RPS6KC1: variants seen among roughly 807,000 people sequenced by gnomAD.
RPS6KC1 encodes inactive ribosomal protein S6 kinase delta-1.
RPS6KC1 carries 54 observed loss-of-function variants against 103.8 expected under a neutral mutation model. The observed-to-expected ratio is 0.52, with a 90% CI of 0.42 to 0.65. The LOEUF (loss-of-function observed/expected upper bound fraction) is 0.65, where lower values mean the gene tolerates loss of function less well. Ranked by LOEUF, RPS6KC1 falls within the 30% of genes least tolerant of loss-of-function variation. RPS6KC1 has a pLI of 0.00. For synonymous variants in RPS6KC1, 439 were observed against 438.7 expected, an observed-to-expected ratio of 1.00 and a Z score of -0.01; for missense variants, 1,151 against 1,253.8, an observed-to-expected ratio of 0.92 and a Z score of 1.24.
chr1:213,796,093 T>C, the RPS6KC1 span, among the ~76,000 whole-genome samples: 2 of 152,214 alleles, frequency 1.3e-5, no homozygotes, highest in East Asian at 3.8e-4. Context: ...CAGCCACCAG[T>C]TTCTTCCCAT....
chr1:213,479,581 T>C, the RPS6KC1 span, among the ~76,000 whole-genome samples: 1 of 152,180 alleles, frequency 6.6e-6, no homozygotes, highest in African/African-American at 2.4e-5. Context: ...ATAGGAGTTA[T>C]TCATGTATTT....
At chr1:213,570,800 C>G in the RPS6KC1 span, among the ~76,000 whole-genome samples, 1 of 152,172 alleles carries the variant, frequency 6.6e-6, no homozygotes, top group African/African-American at 2.4e-5. Context: ...GGGCACAACA[C>G]CCTTCCACAT....
chr1:213,463,523 C>T, the RPS6KC1 span, among the ~76,000 whole-genome samples: 1 of 152,094 alleles, frequency 6.6e-6, no homozygotes, highest in Non-Finnish European at 1.5e-5. Context: ...AACCATAGTA[C>T]TGAAAGCTTG....
chr1:213,597,349 G>A, the RPS6KC1 span, among the ~76,000 whole-genome samples: 1 of 152,166 alleles, frequency 6.6e-6, no homozygotes, highest in Non-Finnish European at 1.5e-5. Flanking sequence ...GCGAGCGCAG[G>A]GTCATGGGTT....
the RPS6KC1 span, among the ~76,000 whole-genome samples, chr1:213,558,660 A>G: frequency 6.6e-6 from 1 of 152,254 alleles, no homozygotes; most frequent in Non-Finnish European, 1.5e-5. Flanking sequence ...GCCTTCTGAC[A>G]TATTTTAAGT....
chr1:213,791,888 C>T, the RPS6KC1 span, among the ~76,000 whole-genome samples: 1 of 152,168 alleles, frequency 6.6e-6, no homozygotes, highest in African/African-American at 2.4e-5. Flanking sequence ...TGTCGGCCAA[C>T]CCTGACGTTA....
the RPS6KC1 span, among the ~76,000 whole-genome samples, chr1:213,612,752 A>G: frequency 1.3e-5 from 2 of 152,198 alleles, no homozygotes; most frequent in South Asian, 2.1e-4. Flanking sequence ...TATTAAAATA[A>G]CCACTTGGGT....
chr1:213,651,206 C>G, the RPS6KC1 span, among the ~76,000 whole-genome samples: 2,998 of 152,238 alleles, frequency 0.02, 46 homozygotes, highest in Middle Eastern at 0.048. Flanking sequence ...TCGACCATCT[C>G]CACAGGGGTG....
At chr1:213,849,929 A>G in the RPS6KC1 span, among the ~76,000 whole-genome samples, 1 of 152,000 alleles carries the variant, frequency 6.6e-6, no homozygotes, top group Non-Finnish European at 1.5e-5. Context: ...TGCATGTAGT[A>G]AACTTTTTAT....
At chr1:213,403,043 G>A in the RPS6KC1 span, among the ~76,000 whole-genome samples, 1 of 151,702 alleles carries the variant, frequency 6.6e-6, no homozygotes, top group African/African-American at 2.4e-5. Flanking sequence ...CAGGAGAATG[G>A]CGTGAACCCG....
chr1:213,754,066 G>A, the RPS6KC1 span, among the ~76,000 whole-genome samples: 17 of 152,070 alleles, frequency 1.1e-4, no homozygotes, highest in Admixed American at 5.9e-4. Context: ...TTTCTTCCCC[G>A]TTTCACTGCT....
chr1:213,467,846 T>C, the RPS6KC1 span, among the ~76,000 whole-genome samples: 8 of 152,358 alleles, frequency 5.3e-5, no homozygotes, highest in East Asian at 1.5e-3. Context: ...CCTTCTTTAG[T>C]GTTCATTTCC....
chr1:213,843,996 A>AG, the RPS6KC1 span, among the ~76,000 whole-genome samples: 1 of 146,462 alleles, frequency 6.8e-6, no homozygotes, highest in African/African-American at 2.7e-5. Context: ...ATATTCAGCT[A>AG]GGGGGAAAAA....
intron 8 of RPS6KC1, among the ~76,000 whole-genome samples, chr1:213,192,776 C>G (rs2092795609): frequency 6.6e-6 from 1 of 152,014 alleles, no homozygotes; most frequent in Non-Finnish European, 1.5e-5. Flanking sequence ...GGTTAAGATG[C>G]ATCATTAGGT....
At chr1:213,395,251 C>T in the RPS6KC1 span, among the ~76,000 whole-genome samples, 1 of 152,126 alleles carries the variant, frequency 6.6e-6, no homozygotes, top group Non-Finnish European at 1.5e-5. Flanking sequence ...TATTAAATAT[C>T]CAGCTGCAGG....
chr1:213,107,273 C>T lies in RPS6KC1; in HGVS notation c.378+2704C>T, dbSNP rs1206612764. Among the ~76,000 whole-genome samples the T allele has an allele frequency of 2.6e-5, 4 of 152,134 alleles. No individual in the cohort carries two copies. The South Asian group carries it at 8.3e-4, about 31-fold the overall frequency. ...CAATTTTAGATCATTTCCATTACCGCACCTCTGTGTCTACTTGCTATGGTG... is the reference window on the plus strand; with the variant it reads ...CAATTTTAGATCATTTCCATTACCGTACCTCTGTGTCTACTTGCTATGGTG... On this transcript the variant is annotated intron_variant, in intron 4 of 14. Coordinates refer to ENST00000366960, the MANE Select transcript of RPS6KC1 (RefSeq NM_012424.6).
At chr1:213,400,066 A>C in the RPS6KC1 span, among the ~76,000 whole-genome samples, 1 of 152,144 alleles carries the variant, frequency 6.6e-6, no homozygotes, top group African/African-American at 2.4e-5. Context: ...TCATAGAAAA[A>C]AGAGGTGGGC....
At chr1:213,665,123 G>A in the RPS6KC1 span, among the ~76,000 whole-genome samples, 2 of 151,680 alleles carry the variant, frequency 1.3e-5, no homozygotes, top group Admixed American at 6.6e-5. Flanking sequence ...TGACAGAATA[G>A]GGCAATTAAA....
chr1:213,478,174 G>A, the RPS6KC1 span, among the ~76,000 whole-genome samples: 4 of 152,038 alleles, frequency 2.6e-5, no homozygotes, highest in African/African-American at 9.7e-5. Context: ...TTTCCTCCAT[G>A]TCTTTTTATG....
Sources: gnomAD v4.1 joint callset for allele counts (sites outside exome capture counted in the v4.1 genomes callset) on GRCh38, gnomAD v4.1.1 for gene constraint, MANE v1.5 for transcripts, NCBI Gene and HGNC (gene_info 2026-07-23, HGNC 2026-07-21) for gene names.